The following ADAM17 variants were observed in gnomAD, a reference collection of about 807,000 sequenced individuals.
The protein encoded by ADAM17 is disintegrin and metalloproteinase domain-containing protein 17.
Under a neutral mutation model 96.7 loss-of-function variants are expected in ADAM17, and 39 were observed. The observed-to-expected ratio is 0.40, with a 90% CI of 0.31 to 0.53. The LOEUF is 0.53. Among genes scored for constraint, ADAM17 ranks in the 20% least tolerant of loss-of-function variants. The probability of loss-of-function intolerance (pLI) is 0.44; values close to 1 mark genes in which losing one functional copy is unlikely to be tolerated. For synonymous variants in ADAM17, 344 were observed against 359.2 expected (o/e 0.96, Z 0.48); for missense variants, 777 against 1,013.2 (o/e 0.77, Z 3.17).
intron 1 of ADAM17, among the ~76,000 whole-genome samples, chr2:9,555,218 C>G (rs1425990790): frequency 6.6e-6 from 1 of 152,158 alleles, no homozygotes; most frequent in South Asian, 2.1e-4. Flanking sequence ...CTACTCCTTA[C>G]CGCTTTCCCA....
In ADAM17 at chr2:9,530,899, A is replaced by T. The variant is rs189569100; in HGVS notation, c.451-2945T>A. Among the ~76,000 whole-genome samples, 375 of 152,300 alleles carry T rather than the reference A, an allele frequency of 2.5e-3. 1 individual carries two copies. Among genetic ancestry groups the T allele is most frequent in the African/African-American group, 7.7e-3 (321 of 41,560 alleles). ...GTTTAAGGGCTACAGGGTATTTTTTAAAAAAATCTTTCTGTAACTACAGGG... is the reference window on the plus strand; with the variant it reads ...GTTTAAGGGCTACAGGGTATTTTTTTAAAAAATCTTTCTGTAACTACAGGG... On this transcript the variant is annotated intron_variant, in intron 4 of 18. Coordinates refer to ENST00000310823, the MANE Select transcript of ADAM17 (RefSeq NM_003183.6).
intron 2 of ADAM17, 57 bp from the exon 3 acceptor site, chr2:9,536,885 T>C (rs1664981406): frequency 8.3e-6 from 13 of 1,572,090 alleles, no homozygotes; most frequent in Non-Finnish European, 1.1e-5. Context: ...AGTCTCATTT[T>C]CACATAATTA....
chr2:9,504,764 A>G (rs1175828523), intron 12 of ADAM17, among the ~76,000 whole-genome samples: 7 of 55,048 alleles, frequency 1.3e-4, no homozygotes, highest in Admixed American at 3.1e-4. Flanking sequence ...CTGTCTCAGG[A>G]AAAAAAAAAA....
At chr2:9,502,563 A>G (rs1663069157) in intron 12 of ADAM17, among the ~76,000 whole-genome samples, 1 of 152,138 alleles carries the variant, frequency 6.6e-6, no homozygotes, top group Non-Finnish European at 1.5e-5. Context: ...CATTCATTTA[A>G]CGCATTAATT....
intron 1 of ADAM17, among the ~76,000 whole-genome samples, chr2:9,546,966 C>CA (rs1359413844): frequency 2.6e-5 from 4 of 152,202 alleles, no homozygotes; most frequent in African/African-American, 9.7e-5. Flanking sequence ...TTCGGCCTCC[C>CA]AAAGTGCTGG....
chr2:9,525,340 G>T (rs1395647607), intron 6 of ADAM17, among the ~76,000 whole-genome samples: 5 of 150,806 alleles, frequency 3.3e-5, no homozygotes, highest in Non-Finnish European at 5.9e-5. Flanking sequence ...AAAGGGAAGG[G>T]AAAGAAGTTG....
intron 14 of ADAM17, among the ~76,000 whole-genome samples, chr2:9,495,305 G>A (rs764765125): frequency 8.9e-4 from 135 of 152,234 alleles, no homozygotes; most frequent in Non-Finnish European, 1.6e-3. Flanking sequence ...ATAAAACACC[G>A]GGCATCTGTG....
intron 10 of ADAM17, among the ~76,000 whole-genome samples, chr2:9,511,450 T>C (rs1235133914): frequency 6.9e-6 from 1 of 145,916 alleles, no homozygotes; most frequent in Non-Finnish European, 1.5e-5. Flanking sequence ...AACTCTATCT[T>C]AAAAAAAAAA....
chr2:9,544,081 C>T (rs1665318441), intron 1 of ADAM17, among the ~76,000 whole-genome samples: 1 of 152,082 alleles, frequency 6.6e-6, no homozygotes, highest in South Asian at 2.1e-4. Context: ...AGAGACACCC[C>T]CCACCTTTCC....
At chr2:9,527,279 G>T (rs1242784176) in intron 5 of ADAM17, among the ~76,000 whole-genome samples, 1 of 114,146 alleles carries the variant, frequency 8.8e-6, no homozygotes, top group Non-Finnish European at 1.9e-5. Context: ...CCGAGATCGC[G>T]CTGCAAACAA....
At chr2:9,511,419 C>T (rs1306749605) in intron 10 of ADAM17, among the ~76,000 whole-genome samples, 1 of 151,908 alleles carries the variant, frequency 6.6e-6, no homozygotes, top group Admixed American at 6.6e-5. Context: ...CATTGCACTC[C>T]AGCCTAGGCA....
In ADAM17 at chr2:9,497,209, T is replaced by C; in HGVS notation, c.1688A>G (p.Asp563Gly). Residue 563 changes from aspartate to glycine, a missense_variant, in exon 14 of 19, where the codon GAT becomes GGT. Asp to Gly is a moderately conservative substitution (Grantham distance 94, BLOSUM62 -1). This residue lies in a region of ADAM17 where 446 missense variants were observed against 664.7 expected (regional missense o/e 0.67). Coordinates refer to ENST00000310823, the MANE Select transcript of ADAM17 (RefSeq NM_003183.6). Reference protein sequence around the residue: ...SECPPPGNAEDDTVCLDLGKC... With the variant: ...SECPPPGNAEGDTVCLDLGKC... ...GCCAAGATCCAAGCAAACAGTGTCA[T>C]CTTCAGCATTTCCTGGAGGCGGGCA... 1 of 1,614,226 alleles carries C rather than the reference T, an allele frequency of 6.2e-7. No individual in the cohort carries two copies. Among genetic ancestry groups the C allele is most frequent in the Non-Finnish European group, 8.5e-7 (1 of 1,180,042 alleles).
Position 9,505,241 on chromosome 2 carries a change from T to G in ADAM17, c.1469A>C (p.Asp490Ala). ...GTTGTTCAGATACATGATGCCAGGA[T>G]CACACTCTTCTCCTTCATCCACCCT... is the stretch of plus-strand genomic sequence containing the variant. ...NSRVDEGEEC[D>A]PGIMYLNNDT... Residue 490 changes from aspartate (D) to alanine (A), a missense_variant, in exon 12 of 19, where the codon GAT becomes GCT. Asp to Ala is a moderately radical substitution (Grantham distance 126). This residue lies in a region of ADAM17 where 446 missense variants were observed against 664.7 expected (regional missense o/e 0.67). Coordinates refer to ENST00000310823, the MANE Select transcript of ADAM17 (RefSeq NM_003183.6). 6.2e-7 allele frequency: 1 copy of G among 1,614,188 alleles called. No homozygotes were observed. The highest frequency in any genetic ancestry group is 8.5e-7 in the Non-Finnish European group (1 of 1,180,042).
chr2:9,542,967 G>A (rs753449824), intron 2 of ADAM17, among the ~76,000 whole-genome samples, 186 bp downstream of exon 2: 5 of 152,124 alleles, frequency 3.3e-5, no homozygotes, highest in Admixed American at 6.5e-5. Context: ...CAAAGTGCTC[G>A]GATTATAGGC....
At chr2:9,490,692 C>G (rs1315137711) in intron 18 of ADAM17, among the ~76,000 whole-genome samples, 174 bp from the exon 19 acceptor site, 4 of 152,038 alleles carry the variant, frequency 2.6e-5, no homozygotes, top group Non-Finnish European at 5.9e-5. Context: ...TAGGTTGGTG[C>G]AAAAGTAATT....
intron 4 of ADAM17, among the ~76,000 whole-genome samples, chr2:9,533,532 T>C (rs1378612579): frequency 6.6e-6 from 1 of 152,032 alleles, no homozygotes; most frequent in East Asian, 1.9e-4. Flanking sequence ...GGTAACAGAG[T>C]GAGACTCAGT....
chr2:9,542,637 T>C (rs892469817), intron 2 of ADAM17, among the ~76,000 whole-genome samples: 1 of 134,896 alleles, frequency 7.4e-6, no homozygotes, highest in Non-Finnish European at 1.5e-5. Flanking sequence ...TTACCATCAT[T>C]AACACCTCTG....
At chr2:9,515,348 T>G (rs183121363) in intron 10 of ADAM17, among the ~76,000 whole-genome samples, 44 of 152,346 alleles carry the variant, frequency 2.9e-4, no homozygotes, top group Admixed American at 1.4e-3. Flanking sequence ...TTTTTATTTT[T>G]TTCTCATTTT....
chr2:9,518,258 C>CAAA lies in ADAM17; in HGVS notation c.958-12_958-11insTTT. Reference sequence around the variant, plus strand: ...ATCAAAGCTAAATTGCTTTGAAAGACCAAAAAAAAAAAAAAAAAAAAAAGC... The same window carrying CAAA: ...ATCAAAGCTAAATTGCTTTGAAAGACAAACAAAAAAAAAAAAAAAAAAAAAAGC... On this transcript the variant is annotated splice_polypyrimidine_tract_variant and intron_variant, in intron 8 of 18. Transcript: ENST00000310823. The CAAA allele has an allele frequency of 4.4e-6, 3 of 683,910 alleles. No homozygotes were observed. The highest frequency in any genetic ancestry group is 6.7e-5 in the South Asian group (1 of 14,998). The allele number at this position is 683,910 out of a possible 1,614,324, so 42.4% of individuals were successfully genotyped here.
Sources: allele counts gnomAD v4.1 joint callset (sites outside exome capture counted in the v4.1 genomes callset), GRCh38; gene constraint gnomAD v4.1.1; regional missense constraint gnomAD v4.1.1; transcripts MANE v1.5; gene names NCBI Gene and HGNC (gene_info 2026-07-23, HGNC 2026-07-21).